The following NSF variants were observed in gnomAD, a reference collection of about 807,000 sequenced individuals.
The protein encoded by NSF is vesicle-fusing ATPase.
In NSF, 14 loss-of-function variants were observed where a neutral mutation model predicts 50.3. That is an observed-to-expected ratio of 0.28 (90% CI 0.18 to 0.44). The LOEUF is 0.44. NSF is among the 20% of genes least tolerant of loss of function. The probability of loss-of-function intolerance (pLI) is 1.00; values close to 1 mark genes in which losing one functional copy is unlikely to be tolerated. For synonymous variants in NSF, 109 were observed against 175.7 expected, an observed-to-expected ratio of 0.62 and a Z score of 3.00; for missense variants, 218 against 504.3, an observed-to-expected ratio of 0.43 and a Z score of 5.44.
At chr17:46,680,306 CAGGA>C (rs1309003702) in intron 9 of NSF, among the ~76,000 whole-genome samples, 1 of 151,534 alleles carries the variant, frequency 6.6e-6, no homozygotes, top group African/African-American at 2.4e-5. Flanking sequence ...CAATAGAACA[CAGGA>C]AGGAAGAGCC....
intron 1 of NSF, among the ~76,000 whole-genome samples, chr17:46,595,360 A>G (rs935950189): frequency 3.1e-4 from 22 of 70,638 alleles, no homozygotes; most frequent in African/African-American, 2.9e-3. Flanking sequence ...GTGCATATTT[A>G]TGGAGTACAT....
intron 15 of NSF, chr17:46,721,881 C>T (rs1295885573): frequency 6.9e-6 from 11 of 1,583,952 alleles, no homozygotes; most frequent in African/African-American, 2.7e-5. Context: ...CTCCTCTGAG[C>T]GATAAAGACG....
intron 15 of NSF, among the ~76,000 whole-genome samples, chr17:46,716,162 AAAGATGCT>A (rs2058766764): frequency 6.6e-6 from 1 of 152,198 alleles, no homozygotes; most frequent in African/African-American, 2.4e-5. Context: ...AAACCAGTCT[AAAGATGCT>A]AAGTCTTCCA....
At chr17:46,753,021 G>A (rs1387040957) in intron 19 of NSF, among the ~76,000 whole-genome samples, 1 of 152,168 alleles carries the variant, frequency 6.6e-6, no homozygotes, top group Admixed American at 6.5e-5. Flanking sequence ...TGCCCGCCTC[G>A]GCCTCCCAAA....
intron 15 of NSF, among the ~76,000 whole-genome samples, chr17:46,724,238 A>G (rs919859010): frequency 6.6e-6 from 1 of 152,238 alleles, no homozygotes; most frequent in Non-Finnish European, 1.5e-5. Context: ...CCCTAAGTCC[A>G]TTTAAGAGTC....
chr17:46,681,548 T>C (rs2058458093), intron 9 of NSF, among the ~76,000 whole-genome samples: 1 of 145,322 alleles, frequency 6.9e-6, no homozygotes, highest in African/African-American at 2.7e-5. Flanking sequence ...CTCAGAAATA[T>C]AACATCTCGT....
At chr17:46,740,035 C>G (rs1481736456) in intron 17 of NSF, among the ~76,000 whole-genome samples, 1 of 152,194 alleles carries the variant, frequency 6.6e-6, no homozygotes, top group Non-Finnish European at 1.5e-5. Flanking sequence ...CTCAAAGTTT[C>G]ATAGGCCCTG....
intron 15 of NSF, among the ~76,000 whole-genome samples, chr17:46,716,548 C>T (rs547426181): frequency 5.3e-5 from 8 of 152,222 alleles, no homozygotes; most frequent in Non-Finnish European, 8.8e-5. Flanking sequence ...TGAGCCACCG[C>T]GCCCGGCCTG....
chr17:46,743,699 C>A (rs1288717461), intron 17 of NSF, among the ~76,000 whole-genome samples: 1 of 152,216 alleles, frequency 6.6e-6, no homozygotes, highest in Non-Finnish European at 1.5e-5. Flanking sequence ...CTCACTCTTA[C>A]AACTGGCCTG....
At chr17:46,697,726 ACT>A (rs2058610426) in intron 12 of NSF, among the ~76,000 whole-genome samples, 1 of 149,720 alleles carries the variant, frequency 6.7e-6, no homozygotes. Context: ...ACGGAGTCTC[ACT>A]CTGTCGCCCA....
At chr17:46,755,743 A>ATTAT in intron 20 of NSF, 59 bp from the exon 21 acceptor site, 12 of 910,170 alleles carry the variant, frequency 1.3e-5, no homozygotes, top group Non-Finnish European at 1.8e-5. Flanking sequence ...TTTTTTTTTG[A>ATTAT]TGAATAGTTT....
intron 15 of NSF, among the ~76,000 whole-genome samples, chr17:46,716,787 GACACATGTGT>G (rs1484741252): frequency 6.6e-6 from 1 of 152,086 alleles, no homozygotes; most frequent in Non-Finnish European, 1.5e-5. Flanking sequence ...TTTCTACTCA[GACACATGTGT>G]ACACATGAAC....
At chr17:46,686,070 G>GA (rs144648908) in intron 9 of NSF, among the ~76,000 whole-genome samples, 14 of 61,418 alleles carry the variant, frequency 2.3e-4, no homozygotes, top group South Asian at 9.6e-4. Context: ...CAACCTTGAA[G>GA]AAAAAAAAAA....
At chr17:46,748,586 A>G (rs1244497429) in intron 17 of NSF, among the ~76,000 whole-genome samples, 1 of 152,202 alleles carries the variant, frequency 6.6e-6, no homozygotes, top group Admixed American at 6.5e-5. Flanking sequence ...AGGAAAAGGA[A>G]GGCTGGGATA....
chr17:46,706,944 G>A (rs377269190), intron 13 of NSF, among the ~76,000 whole-genome samples: 3 of 145,652 alleles, frequency 2.1e-5, no homozygotes, highest in East Asian at 2.0e-4. Context: ...TCCATCTCCC[G>A]GGTTCAAGCA....
At chr17:46,723,001 T>C (rs189739098) in intron 15 of NSF, among the ~76,000 whole-genome samples, 1 of 152,322 alleles carries the variant, frequency 6.6e-6, no homozygotes, top group Non-Finnish European at 1.5e-5. Flanking sequence ...CAGGTATTTT[T>C]CCTCTCAAAT....
chr17:46,748,454 G>T (rs749003463), intron 17 of NSF, among the ~76,000 whole-genome samples: 1 of 152,152 alleles, frequency 6.6e-6, no homozygotes, highest in Non-Finnish European at 1.5e-5. Context: ...TTAAGACAAA[G>T]GATACAATAG....
intron 1 of NSF, among the ~76,000 whole-genome samples, chr17:46,606,052 G>T (rs969565652): frequency 3.9e-4 from 37 of 95,406 alleles, no homozygotes; most frequent in Admixed American, 9.5e-4. Flanking sequence ...GGTGGCGCAT[G>T]CCTGTAATCC....
At chr17:46,667,434 T>C (rs2058345279) in intron 8 of NSF, among the ~76,000 whole-genome samples, 1 of 149,632 alleles carries the variant, frequency 6.7e-6, no homozygotes, top group Non-Finnish European at 1.5e-5. Context: ...GAAATGGTGG[T>C]GATAGACGAT....
Sources: allele counts gnomAD v4.1 joint callset (sites outside exome capture counted in the v4.1 genomes callset), GRCh38; gene constraint gnomAD v4.1.1; transcripts MANE v1.5; gene names NCBI Gene and HGNC (gene_info 2026-07-23, HGNC 2026-07-21).